The following RNF212B variants were observed in gnomAD, a reference collection of about 807,000 sequenced individuals.
RNF212B encodes the protein E3 ubiquitin-protein ligase RNF212B.
RNF212B carries 52 observed loss-of-function variants against 55.5 expected under a neutral mutation model. The ratio of observed to expected loss-of-function variants is 0.94; its 90% confidence interval spans 0.75 to 1.18. RNF212B has a LOEUF of 1.18. Among genes scored for constraint, RNF212B ranks in the 50% most tolerant of loss-of-function variants. The pLI, the probability that RNF212B is intolerant of heterozygous loss-of-function variation, is 0.00. For missense variants in RNF212B, 289 were observed against 350.4 expected (o/e 0.82, Z 1.40); for synonymous variants, 99 against 121.4 (o/e 0.82, Z 1.21).
chr14:23,207,319 T>C (rs952172089), intron 2 of RNF212B, among the ~76,000 whole-genome samples: 1 of 152,202 alleles, frequency 6.6e-6, no homozygotes, highest in Admixed American at 6.5e-5. Flanking sequence ...GGCTGTAGAC[T>C]GCTCTCTACT....
chr14:23,264,050 T>C, intron 9 of RNF212B, 124 bp from the exon 10 acceptor site: 1 of 669,294 alleles, frequency 1.5e-6, no homozygotes, highest in Non-Finnish European at 2.5e-6. Context: ...CTTGTGCCAT[T>C]GTGCTCTAGC....
chr14:23,239,595 A>C (rs1054608615), intron 1 of RNF212B, among the ~76,000 whole-genome samples: 2 of 152,016 alleles, frequency 1.3e-5, no homozygotes, highest in African/African-American at 2.4e-5. Flanking sequence ...TTATATTTTT[A>C]GGATTGTATT....
chr14:23,185,397 T>C (rs1877493059), exon 1 of RNF212B: 1 of 152,206 alleles, frequency 6.6e-6, no homozygotes, highest in African/African-American at 2.4e-5. Context: ...GAGGAAAAAT[T>C]TGATAGATTC....
At chr14:23,264,144 T>G in intron 9 of RNF212B, 30 bp from the exon 10 acceptor site, 1 of 1,491,380 alleles carries the variant, frequency 6.7e-7, no homozygotes, top group Non-Finnish European at 9.0e-7. Flanking sequence ...GTTTTTTGCC[T>G]TTTTTTTCTT....
chr14:23,231,601 T>G (rs1566413962), intron 2 of RNF212B, among the ~76,000 whole-genome samples: 1 of 152,060 alleles, frequency 6.6e-6, no homozygotes, highest in Non-Finnish European at 1.5e-5. Context: ...ATAAGAATAT[T>G]TAAAGAGCTC....
chr14:23,247,791 C>T (rs1041105717), intron 4 of RNF212B, among the ~76,000 whole-genome samples: 4 of 152,066 alleles, frequency 2.6e-5, no homozygotes, highest in Non-Finnish European at 5.9e-5. Context: ...TATATACCTA[C>T]GAGTGGAATT....
At position 23,270,558 on chromosome 14, in the gene RNF212B, G is replaced by T. The variant is rs754531372; in HGVS notation, c.773-42G>T. 22 of 1,435,066 alleles carry T rather than the reference G, an allele frequency of 1.5e-5. No individual in the cohort carries two copies. In the African/African-American group the frequency reaches 1.6e-4, roughly 10 times the overall value. The allele number at this position is 1,435,066 out of a possible 1,614,324, so 88.9% of individuals were successfully genotyped here. A position where few individuals can be genotyped will look rare whatever the true frequency, so the allele number is the denominator to read the frequency against. The stretch of plus-strand genomic sequence containing the variant: ...CCACAAGTAACACTGCCGAGAAACT[G>T]CCCAAGTAAGTTATCTTTCACTGTT... On this transcript the variant is annotated intron_variant, in intron 13 of 14. Coordinates refer to ENST00000430154, the MANE Select transcript of RNF212B (RefSeq NM_001282322.3).
chr14:23,269,033 G>T, intron 12 of RNF212B, 70 bp downstream of exon 12: 4 of 1,294,214 alleles, frequency 3.1e-6, no homozygotes, highest in Non-Finnish European at 4.4e-6. Context: ...GGCTGGGTGC[G>T]GTGGCTCACG....
intron 2 of RNF212B, among the ~76,000 whole-genome samples, chr14:23,205,285 T>A (rs772426002): frequency 3.4e-5 from 5 of 148,298 alleles, no homozygotes; most frequent in Non-Finnish European, 7.4e-5. Context: ...TAGACAAAAA[T>A]TTTTCTCTTT....
intron 2 of RNF212B, among the ~76,000 whole-genome samples, chr14:23,206,195 C>T (rs1386052079): frequency 1.3e-5 from 2 of 152,156 alleles, no homozygotes; most frequent in African/African-American, 4.8e-5. Context: ...CTGCCTCAGC[C>T]TCCCCAGTAG....
intron 2 of RNF212B, among the ~76,000 whole-genome samples, chr14:23,200,423 T>A (rs1255543753): frequency 6.6e-6 from 1 of 152,048 alleles, no homozygotes; most frequent in Non-Finnish European, 1.5e-5. Context: ...CCTCCTGGGA[T>A]CAAGCAATTC....
At chr14:23,250,842 TG>T (rs900018895) in intron 4 of RNF212B, among the ~76,000 whole-genome samples, 3 of 152,250 alleles carry the variant, frequency 2.0e-5, no homozygotes, top group African/African-American at 7.2e-5. Flanking sequence ...CAGCTCAAAG[TG>T]GGAAGGGGCT....
intron 4 of RNF212B, among the ~76,000 whole-genome samples, chr14:23,258,260 C>G (rs1185199447): frequency 1.3e-5 from 2 of 151,546 alleles, no homozygotes; most frequent in African/African-American, 4.9e-5. Flanking sequence ...ATAGCTTGAA[C>G]CCAGGAGGCA....
At chr14:23,261,199 G>T in intron 7 of RNF212B, 1 of 312,722 alleles carries the variant, frequency 3.2e-6, no homozygotes, top group South Asian at 2.7e-5. Flanking sequence ...AGTAACTTGT[G>T]GAATGCTGAG....
rs568372811 is a variant in RNF212B, at chr14:23,270,611, A to G, written c.784A>G (p.Ser262Gly). The change falls in exon 14 of 15, where the codon AGC (serine) becomes GGC (glycine). Residue 262 changes from serine (S) to glycine (G), a missense_variant. Physicochemically the swap from Ser to Gly is moderately conservative, Grantham distance 56. Coordinates refer to ENST00000430154, the MANE Select transcript of RNF212B (RefSeq NM_001282322.3). The stretch of plus-strand genomic sequence containing the variant: ...ATTCTATCCTTCAGCTCAGAGGGAG[A>G]GCACAACTACACTAGAGAGTCTTCC... Reference protein sequence around the residue: ...LTPNNFAQRESTTTLESLPSF... With the variant: ...LTPNNFAQREGTTTLESLPSF... 1.9e-6 allele frequency: 3 copies of G among 1,550,296 alleles called. No individual in the cohort carries two copies. In the African/African-American group the frequency reaches 4.1e-5, roughly 21 times the overall value.
chr14:23,252,171 T>C lies in RNF212B; in HGVS notation c.229-6378T>C, dbSNP rs115486126. 6.2e-3 allele frequency among the ~76,000 whole-genome samples: 940 copies of C among 152,218 alleles called. 13 individuals carry two copies. Among genetic ancestry groups the C allele is most frequent in the African/African-American group, 0.022 (895 of 41,526 alleles). On this transcript the variant is annotated intron_variant, in intron 4 of 14. Coordinates refer to ENST00000430154, the MANE Select transcript of RNF212B (RefSeq NM_001282322.3). ...CCCTGGCAACAAGTCCCCATTTTGATGCTACCTAGGACCCACCAAGAGTCA... is the reference window on the plus strand; with the variant it reads ...CCCTGGCAACAAGTCCCCATTTTGACGCTACCTAGGACCCACCAAGAGTCA...
rs563691256 is a variant in RNF212B at position 23,263,589 on chromosome 14, C to T, written c.525-585C>T. The stretch of plus-strand genomic sequence containing the variant: ...GGACATAAAAACGAATTTGTTTTTT[C>T]ATACCACAAGGCTTTTGTGCCAAGG... On this transcript the variant is annotated intron_variant, in intron 9 of 14. Coordinates refer to ENST00000430154, the MANE Select transcript of RNF212B (RefSeq NM_001282322.3). Among the ~76,000 whole-genome samples, 872 of 152,276 alleles carry T rather than the reference C, an allele frequency of 5.7e-3. 4 individuals carry two copies. Among genetic ancestry groups the T allele is most frequent in the Middle Eastern group, 0.017 (5 of 294 alleles).
chr14:23,208,808 G>T (rs1594877853), intron 2 of RNF212B, among the ~76,000 whole-genome samples: 1 of 139,380 alleles, frequency 7.2e-6, no homozygotes, highest in Non-Finnish European at 1.5e-5. Context: ...GCCCAGGCTG[G>T]AGTGCAATGG....
At position 23,232,364 on chromosome 14, in the gene RNF212B, T is replaced by C. The variant is rs187569234; in HGVS notation, c.-1-7981T>C. On this transcript the variant is annotated intron_variant, in intron 2 of 15. Coordinates refer to the RNF212B transcript ENST00000399910. ...CTGAGAAGTGAGGAGCCCCTCCACC[T>C]GGCAGCCACCCCATCTGAGAAGTGA... is the stretch of plus-strand genomic sequence containing the variant. Among the ~76,000 whole-genome samples, 1,373 of 149,176 alleles carry C rather than the reference T, an allele frequency of 9.2e-3. 16 individuals are homozygous for C. The highest frequency in any genetic ancestry group is 0.032 in the African/African-American group (1,286 of 40,308).
Sources: gnomAD v4.1 joint callset for allele counts (sites outside exome capture counted in the v4.1 genomes callset) on GRCh38, gnomAD v4.1.1 for gene constraint, MANE v1.5 for transcripts, NCBI Gene and HGNC (gene_info 2026-07-23, HGNC 2026-07-21) for gene names.